The following MAT2A variants were observed in gnomAD, a reference collection of about 807,000 sequenced individuals.
The protein encoded by MAT2A is S-adenosylmethionine synthase isoform type-2.
In MAT2A, 3 loss-of-function variants were observed where a neutral mutation model predicts 43.9. The observed-to-expected ratio is 0.07, with a 90% CI of 0.03 to 0.18. The LOEUF is 0.18. Ranked by LOEUF, MAT2A falls within the 10% of genes least tolerant of loss-of-function variation. The probability of loss-of-function intolerance (pLI) is 1.00; values close to 1 mark genes in which losing one functional copy is unlikely to be tolerated. For missense variants in MAT2A, 204 were observed against 489.0 expected (o/e 0.42, Z 5.50); for synonymous variants, 200 against 168.4 (o/e 1.19, Z -1.45).
In MAT2A at chr2:85,544,941, T is replaced by C. The variant is rs896867660; in HGVS notation, c.*1169T>C. 3.3e-5 allele frequency: 5 copies of C among 152,544 alleles called. No homozygotes were observed. The South Asian group carries it at 1.0e-3, about 32-fold the overall frequency. 9.4% of individuals were successfully genotyped at this position (152,544 alleles called of 1,614,324 possible). On this transcript the variant is annotated 3_prime_UTR_variant, in exon 9 of 9. Coordinates refer to ENST00000306434, the MANE Select transcript of MAT2A (RefSeq NM_005911.6). ...CTCAGATGGCAGCTTTTAAAAGATTTTTTTTTTTTCTCTCAACACCATGAT... is the reference window on the plus strand; with the variant it reads ...CTCAGATGGCAGCTTTTAAAAGATTCTTTTTTTTTCTCTCAACACCATGAT...
Position 85,542,382 on chromosome 2 carries a change from A to AT in MAT2A, c.768+13dup, listed in dbSNP as rs749873162. On this transcript the variant is annotated intron_variant, in intron 6 of 8. Transcript: ENST00000306434. Reference sequence around the variant, plus strand: ...TTATTGGTGGGCCTCAGGTAATGTCATTTTGTTGCATTTTTCTGGATTTTT... The same window carrying AT: ...TTATTGGTGGGCCTCAGGTAATGTCATTTTTGTTGCATTTTTCTGGATTTTT... 1.1e-5 allele frequency: 17 copies of AT among 1,608,800 alleles called. No homozygotes were observed. In the East Asian group the frequency reaches 3.3e-4, roughly 32 times the overall value.
chr2:85,544,013 A>G lies in MAT2A; in HGVS notation c.*241A>G, dbSNP rs935963530. ...TGAATTTAGTGAGCATAGGTGATCC[A>G]TGTAACTGCCTAGAAACAACACTGT... On this transcript the variant is annotated 3_prime_UTR_variant, in exon 9 of 9. Transcript: ENST00000306434. The G allele has an allele frequency of 1.5e-4, 53 of 364,404 alleles. 1 individual carries two copies. Among genetic ancestry groups the G allele is most frequent in the African/African-American group, 9.8e-4 (47 of 47,744 alleles). 22.6% of individuals were successfully genotyped at this position (364,404 alleles called of 1,614,324 possible).
chr2:85,540,927 G>A (rs1486065422), intron 1 of MAT2A, among the ~76,000 whole-genome samples, 156 bp from the exon 2 acceptor site: 1 of 152,188 alleles, frequency 6.6e-6, no homozygotes, highest in Non-Finnish European at 1.5e-5. Context: ...TTGAATTTTA[G>A]GAGGAAAGTG....
In MAT2A at chr2:85,539,197, G is replaced by A. The variant is rs957613195; in HGVS notation, c.-91G>A. 10 of 926,770 alleles carry A rather than the reference G, an allele frequency of 1.1e-5. No individual in the cohort carries two copies. Among genetic ancestry groups the A allele is most frequent in the East Asian group, 5.8e-5 (2 of 34,684 alleles). 57.4% of individuals were successfully genotyped at this position (926,770 alleles called of 1,614,324 possible). On this transcript the variant is annotated 5_prime_UTR_variant, in exon 1 of 9. Transcript: ENST00000306434. ...GCTCCGCGCCGCCCGCCTGCTACGA[G>A]TAGAACGCTGTCCGCAGCTTGCGCA...
At chr2:85,540,504 G>C (rs975963854) in intron 1 of MAT2A, among the ~76,000 whole-genome samples, 4 of 152,148 alleles carry the variant, frequency 2.6e-5, no homozygotes, top group African/African-American at 9.7e-5. Context: ...GTTTTAGGCG[G>C]TTATAGAAAA....
intron 1 of MAT2A, among the ~76,000 whole-genome samples, chr2:85,540,762 C>T (rs1313723314): frequency 6.6e-6 from 1 of 152,198 alleles, no homozygotes; most frequent in Non-Finnish European, 1.5e-5. Context: ...ATTAGGGAAA[C>T]TGGCCTACCT....
chr2:85,543,280 T>C, intron 8 of MAT2A: 1 of 489,982 alleles, frequency 2.0e-6, no homozygotes. Context: ...ATTTGAGCTT[T>C]GTGCTCTTCT....
rs762233743 is a variant in MAT2A at position 85,543,808 on chromosome 2, A to T, written c.*36A>T. On this transcript the variant is annotated 3_prime_UTR_variant, in exon 9 of 9. Coordinates refer to ENST00000306434, the MANE Select transcript of MAT2A (RefSeq NM_005911.6). ...CTTTTTTCCCCAGACTTGTTGGCGT[A>T]GGCTACAGAGAAGCCTTCAAGCTCT... 1.8e-5 allele frequency: 25 copies of T among 1,414,652 alleles called. No individual in the cohort carries two copies. Among genetic ancestry groups the T allele is most frequent in the Non-Finnish European group, 2.3e-5 (23 of 1,018,676 alleles). 87.6% of individuals were successfully genotyped at this position (1,414,652 alleles called of 1,614,324 possible).
At position 85,542,319 on chromosome 2, in the gene MAT2A, G is replaced by A; in HGVS notation, c.714G>A (p.Glu238=). The change falls in exon 6 of 9, where the codon GAG becomes GAA. Residue 238 remains glutamate (E), a synonymous_variant. Coordinates refer to ENST00000306434, the MANE Select transcript of MAT2A (RefSeq NM_005911.6). ...TTGTGCCTGCGAAATACCTTGATGA[G>A]GATACAATCTACCACCTACAGCCAA... ...KAVVPAKYLD[E]DTIYHLQPSG... The A allele has an allele frequency of 6.2e-7, 1 of 1,614,176 alleles. No homozygotes were observed. The highest frequency in any genetic ancestry group is 1.1e-5 in the South Asian group (1 of 91,080).
At chr2:85,542,873 G>T in intron 7 of MAT2A, 28 bp from the exon 8 acceptor site, 1 of 1,604,316 alleles carries the variant, frequency 6.2e-7, no homozygotes, top group Middle Eastern at 1.8e-4. Flanking sequence ...TGCAATCACT[G>T]ATTCTTACGA....
In MAT2A at chr2:85,544,578, C is replaced by T. The variant is rs1437043321; in HGVS notation, c.*806C>T. On this transcript the variant is annotated 3_prime_UTR_variant, in exon 9 of 9. Transcript: ENST00000306434. Reference sequence around the variant, plus strand: ...ACTCCTAGTTCTAGAAAAACAGGCACTTGGCAGCCTTGTGATGTCATACAG... The same window carrying T: ...ACTCCTAGTTCTAGAAAAACAGGCATTTGGCAGCCTTGTGATGTCATACAG... The T allele has an allele frequency of 2.0e-5, 3 of 152,688 alleles. No homozygotes were observed. The highest frequency in any genetic ancestry group is 4.4e-5 in the Non-Finnish European group (3 of 68,080). The allele number at this position is 152,688 out of a possible 1,614,324, so 9.5% of individuals were successfully genotyped here. A position where few individuals can be genotyped will look rare whatever the true frequency, so the allele number is the denominator to read the frequency against.
chr2:85,543,784 TTTTTTCC>T lies in MAT2A; in HGVS notation c.*13_*19del. ...AGCTTAAATATTGAAAGTGTTAGCCTTTTTTCCCCAGACTTGTTGGCGTAGGCTACAG... is the reference window on the plus strand; with the variant it reads ...AGCTTAAATATTGAAAGTGTTAGCCTCCAGACTTGTTGGCGTAGGCTACAG... On this transcript the variant is annotated 3_prime_UTR_variant, in exon 9 of 9. Transcript: ENST00000306434. 1 of 1,552,036 alleles carries T rather than the reference TTTTTTCC, an allele frequency of 6.4e-7. No individual in the cohort carries two copies. The highest frequency in any genetic ancestry group is 1.2e-5 in the South Asian group (1 of 86,240).
At chr2:85,540,016 T>A (rs1446931161) in intron 1 of MAT2A, 1 of 152,332 alleles carries the variant, frequency 6.6e-6, no homozygotes, top group Non-Finnish European at 1.5e-5. Flanking sequence ...GGCCTCTGAC[T>A]AAATATAGCT....
At chr2:85,541,999 G>A in intron 5 of MAT2A, 27 bp downstream of exon 5, 2 of 1,606,646 alleles carry the variant, frequency 1.2e-6, no homozygotes, top group Non-Finnish European at 1.7e-6. Flanking sequence ...AAGCTTGGTT[G>A]TCTCATTTAT....
At chr2:85,539,573 C>T (rs1691405209) in intron 1 of MAT2A, 195 bp downstream of exon 1, 4 of 471,472 alleles carry the variant, frequency 8.5e-6, no homozygotes, top group Non-Finnish European at 1.5e-5. Context: ...TTCCCCCTCC[C>T]CTCTCCACCC....
In MAT2A at chr2:85,541,693, C is replaced by T; in HGVS notation, c.353C>T (p.Ala118Val). Reference sequence around the variant, plus strand: ...TTGGAGCAACAGTCACCAGATATTGCTCAAGGTGTTCATCTTGACAGAAAT... The same window carrying T: ...TTGGAGCAACAGTCACCAGATATTGTTCAAGGTGTTCATCTTGACAGAAAT... ...VALEQQSPDI[A>V]QGVHLDRNEE... The change falls in exon 4 of 9, where the codon GCT becomes GTT. Residue 118 changes from alanine (A) to valine (V), a missense_variant. By Grantham distance (64) the Ala-to-Val change is moderately conservative. Transcript: ENST00000306434. 1 of 1,614,154 alleles carries T rather than the reference C, an allele frequency of 6.2e-7. No individual in the cohort carries two copies. The highest frequency in any genetic ancestry group is 8.5e-7 in the Non-Finnish European group (1 of 1,180,032).
At chr2:85,543,349 A>G (rs1472826163) in intron 8 of MAT2A, 4 of 410,074 alleles carry the variant, frequency 9.8e-6, no homozygotes, top group Admixed American at 8.2e-5. Flanking sequence ...GTTGCAATGT[A>G]AAAACCATGG....
At chr2:85,539,401 A>G in intron 1 of MAT2A, 23 bp downstream of exon 1, 2 of 1,579,584 alleles carry the variant, frequency 1.3e-6, no homozygotes. Context: ...CCTGAAGCGA[A>G]GCGTGGGGCG....
Position 85,539,358 on chromosome 2 carries a change from C to A in MAT2A, c.71C>A (p.Ser24Ter). Residue 24 changes from serine to a stop codon, truncating the protein, a stop_gained, in exon 1 of 9, where the codon TCG becomes TAG. Transcript: ENST00000306434. LOFTEE classifies it high-confidence loss of function. ...GGCACATTCCTTTTCACCTCAGAGTCGGTCGGGGAAGGCCACCCAGGTGAG... is the reference window on the plus strand; with the variant it reads ...GGCACATTCCTTTTCACCTCAGAGTAGGTCGGGGAAGGCCACCCAGGTGAG... ...EEGTFLFTSESVGEGHPDKIC... is the reference protein window; with the variant it reads ...EEGTFLFTSE 1.2e-6 allele frequency: 2 copies of A among 1,603,602 alleles called. No homozygotes were observed. The highest frequency in any genetic ancestry group is 1.1e-5 in the South Asian group (1 of 89,776).
Sources: gnomAD v4.1 joint callset for allele counts (sites outside exome capture counted in the v4.1 genomes callset) on GRCh38, gnomAD v4.1.1 for gene constraint, MANE v1.5 for transcripts, NCBI Gene and HGNC (gene_info 2026-07-23, HGNC 2026-07-21) for gene names.